The following CENPP variants were observed in gnomAD, a reference collection of about 807,000 sequenced individuals.
CENPP encodes the protein centromere protein P.
CENPP carries 24 observed loss-of-function variants against 35.6 expected under a neutral mutation model. That is an observed-to-expected ratio of 0.67 (90% CI 0.49 to 0.95). The LOEUF (loss-of-function observed/expected upper bound fraction) is 0.95, where lower values mean the gene tolerates loss of function less well. Among genes scored for constraint, CENPP ranks in the 40% least tolerant of loss-of-function variants. CENPP has a pLI of 0.00. For synonymous variants in CENPP, 120 were observed against 125.5 expected (o/e 0.96, Z 0.29); for missense variants, 332 against 345.3 (o/e 0.96, Z 0.31).
intron 5 of CENPP, among the ~76,000 whole-genome samples, chr9:92,566,084 C>T (rs74691698): frequency 0.011 from 1,729 of 151,866 alleles, 26 homozygotes; most frequent in African/African-American, 0.038. Context: ...AGGTGGATCA[C>T]GAGGTCAGGA....
intron 5 of CENPP, among the ~76,000 whole-genome samples, chr9:92,574,596 C>T (rs575800659): frequency 9.2e-5 from 14 of 152,302 alleles, no homozygotes; most frequent in African/African-American, 3.4e-4. Flanking sequence ...AGTGGAAACA[C>T]GTCCCAAATT....
intron 5 of CENPP, among the ~76,000 whole-genome samples, chr9:92,550,935 G>T (rs911564550): frequency 6.6e-6 from 1 of 152,094 alleles, no homozygotes; most frequent in African/African-American, 2.4e-5. Flanking sequence ...TCTTTCCCCA[G>T]CTCCATATGA....
At position 92,611,384 on chromosome 9, in the gene CENPP, G is replaced by A; in HGVS notation, c.635G>A (p.Ser212Asn). The change falls in exon 6 of 8, where the codon AGC becomes AAC. Residue 212 changes from serine to asparagine, a missense_variant. Physicochemically the swap from Ser to Asn is conservative, Grantham distance 46. Coordinates refer to ENST00000375587, the MANE Select transcript of CENPP (RefSeq NM_001012267.3). ...SSCSMGIRSASRPGFELVIVW... is the reference protein window; with the variant it reads ...SSCSMGIRSANRPGFELVIVW... Reference sequence around the variant, plus strand: ...TGCTCCATGGGGATCCGCAGCGCCAGCCGGCCAGGGTGAGCCTGCACAGGC... The same window carrying A: ...TGCTCCATGGGGATCCGCAGCGCCAACCGGCCAGGGTGAGCCTGCACAGGC... 1 of 1,612,874 alleles carries A rather than the reference G, an allele frequency of 6.2e-7. No homozygotes were observed. The highest frequency in any genetic ancestry group is 1.7e-5 in the Admixed American group (1 of 60,002).
At chr9:92,481,095 C>G (rs1349955905) in intron 5 of CENPP, among the ~76,000 whole-genome samples, 2 of 152,198 alleles carry the variant, frequency 1.3e-5, no homozygotes, top group African/African-American at 4.8e-5. Context: ...TCTTAAAAAA[C>G]AAAATCTACT....
Position 92,522,148 on chromosome 9 carries a change from G to A in CENPP, c.565-89166G>A, listed in dbSNP as rs142692391. On this transcript the variant is annotated intron_variant, in intron 5 of 7. Transcript: ENST00000375587. ...GTCGCCCAGGCTGGAGTGCAGTGGT[G>A]TGATCTCTGCTCACTGCAACCTCCA... Among the ~76,000 whole-genome samples, 19 of 152,066 alleles carry A rather than the reference G, an allele frequency of 1.2e-4. No homozygotes were observed. The East Asian group carries it at 3.7e-3, about 29-fold the overall frequency.
intron 5 of CENPP, among the ~76,000 whole-genome samples, chr9:92,488,663 T>C (rs1846114766): frequency 6.6e-6 from 1 of 152,204 alleles, no homozygotes; most frequent in South Asian, 2.1e-4. Context: ...CACATATAAA[T>C]TTGATGTTTG....
At chr9:92,364,450 T>G (rs1841837785) in intron 4 of CENPP, among the ~76,000 whole-genome samples, 2 of 152,080 alleles carry the variant, frequency 1.3e-5, no homozygotes, top group African/African-American at 4.8e-5. Flanking sequence ...TGGTTGACTG[T>G]TTTGGTTCTT....
chr9:92,567,408 A>ATATATATATATATAGAT (rs1588282242), intron 5 of CENPP, among the ~76,000 whole-genome samples: 1 of 147,600 alleles, frequency 6.8e-6, no homozygotes, highest in Non-Finnish European at 1.5e-5. Flanking sequence ...ATATATATAT[A>ATATATATATATATAGAT]AAGTGGTTAG....
At chr9:92,512,186 G>T in intron 5 of CENPP, 1 of 1,128,470 alleles carries the variant, frequency 8.9e-7, no homozygotes, top group Non-Finnish European at 1.3e-6. Context: ...GTACACACAT[G>T]TATGGGCATG....
intron 5 of CENPP, among the ~76,000 whole-genome samples, chr9:92,465,928 G>A (rs1335594073): frequency 2.6e-5 from 4 of 151,844 alleles, no homozygotes; most frequent in African/African-American, 7.3e-5. Context: ...TGCCTCCTGG[G>A]TTCAAGCAAT....
At chr9:92,413,296 T>C (rs1451090748) in intron 5 of CENPP, among the ~76,000 whole-genome samples, 1 of 152,152 alleles carries the variant, frequency 6.6e-6, no homozygotes, top group Non-Finnish European at 1.5e-5. Context: ...TATATGTAAC[T>C]AACTTTTTAA....
rs1840774829 is a variant in CENPP, at chr9:92,332,286, G to A, written c.224G>A (p.Gly75Asp). The change falls in exon 2 of 8, where the codon GGC (glycine) becomes GAC (aspartate). Residue 75 changes from glycine to aspartate, a missense_variant. Physicochemically the swap from Gly to Asp is moderately conservative, Grantham distance 94. Coordinates refer to ENST00000375587, the MANE Select transcript of CENPP (RefSeq NM_001012267.3). Reference sequence around the variant, plus strand: ...CTTTCATTTCTAAGTACGCTTACTGGCATCAATATAAGAAATCACTCCAAG... The same window carrying A: ...CTTTCATTTCTAAGTACGCTTACTGACATCAATATAAGAAATCACTCCAAG... ...SELSFLSTLT[G>D]INIRNHSKQT... The A allele has an allele frequency of 2.5e-6, 4 of 1,611,314 alleles. No individual in the cohort carries two copies. The highest frequency in any genetic ancestry group is 1.3e-5 in the African/African-American group (1 of 74,758).
At chr9:92,565,293 TAAAAA>T (rs3078380) in intron 5 of CENPP, among the ~76,000 whole-genome samples, 2 of 33,160 alleles carry the variant, frequency 6.0e-5, no homozygotes, top group Admixed American at 4.7e-4. Flanking sequence ...GCTGATGAGC[TAAAAA>T]AAAAAAAAAA....
chr9:92,422,798 T>C (rs1009642906), intron 5 of CENPP, among the ~76,000 whole-genome samples: 1 of 152,216 alleles, frequency 6.6e-6, no homozygotes, highest in African/African-American at 2.4e-5. Flanking sequence ...CAATCTCTTA[T>C]TTTATCCAAA....
At chr9:92,393,263 C>A (rs2130903972) in intron 5 of CENPP, 1 of 1,562,076 alleles carries the variant, frequency 6.4e-7, no homozygotes, top group South Asian at 1.2e-5. Context: ...GGAATAAAAT[C>A]ATAAAAATAT....
chr9:92,571,077 C>T (rs1181410302), intron 5 of CENPP, among the ~76,000 whole-genome samples: 1 of 152,042 alleles, frequency 6.6e-6, no homozygotes, highest in Non-Finnish European at 1.5e-5. Context: ...GTCTCTATCT[C>T]CTTCAGTTCT....
chr9:92,366,895 A>G (rs939381655), intron 4 of CENPP, among the ~76,000 whole-genome samples: 4 of 152,190 alleles, frequency 2.6e-5, no homozygotes, highest in African/African-American at 9.7e-5. Flanking sequence ...CTGCTCTAAA[A>G]TCTGAAATTT....
intron 5 of CENPP, among the ~76,000 whole-genome samples, chr9:92,549,646 CAAA>C (rs377339429): frequency 1.1e-5 from 1 of 90,610 alleles, no homozygotes; most frequent in Admixed American, 1.0e-4. Flanking sequence ...GACTCCGTCT[CAAA>C]AAAAAAAAAC....
intron 5 of CENPP, among the ~76,000 whole-genome samples, chr9:92,507,475 A>G (rs548558394): frequency 9.8e-5 from 15 of 152,304 alleles, no homozygotes; most frequent in African/African-American, 3.4e-4. Flanking sequence ...ATTCTCTGGT[A>G]TATATAGGAA....
Sources: allele counts gnomAD v4.1 joint callset (sites outside exome capture counted in the v4.1 genomes callset), GRCh38; gene constraint gnomAD v4.1.1; transcripts MANE v1.5; gene names NCBI Gene and HGNC (gene_info 2026-07-23, HGNC 2026-07-21).